Variants in NPHP4 observed in about 807,000 individuals in gnomAD.
NPHP4 encodes the protein nephrocystin-4.
NPHP4 carries 151 observed loss-of-function variants against 155.8 expected under a neutral mutation model. The ratio of observed to expected loss-of-function variants is 0.97; its 90% CI spans 0.85 to 1.11. The LOEUF is 1.11. NPHP4 is among the 50% of genes least tolerant of loss of function. NPHP4 has a pLI of 0.00. For missense variants in NPHP4, 1,956 were observed against 1,925.7 expected, an observed-to-expected ratio of 1.02 and a Z score of -0.29; for synonymous variants, 845 against 816.8, an observed-to-expected ratio of 1.03 and a Z score of -0.59.
Position 5,887,382 on chromosome 1 carries a change from C to T in NPHP4, c.2389G>A (p.Val797Met), listed in dbSNP as rs371647249. ...AACCCCAGCATGTCTCCACTCACCA[C>T]CATGTTGTCCTGCTCGTATTCAGTT... The part of the protein sequence containing the change: ...VATEYEQDNM[V>M]VSGDMLGFGR... Residue 797 changes from valine to methionine, a missense_variant, in exon 18 of 30, where the codon GTG (valine) becomes ATG (methionine). Transcript: ENST00000378156. 4.3e-6 allele frequency: 7 copies of T among 1,613,468 alleles called. No homozygotes were observed. The African/African-American group carries it at 8.0e-5, about 18-fold the overall frequency.
intron 25 of NPHP4, 49 bp downstream of exon 25, chr1:5,866,981 A>C (rs370137030): frequency 9.7e-6 from 14 of 1,446,456 alleles, no homozygotes. Flanking sequence ...ACAGGGGCGC[A>C]GACTCACTGG....
Position 5,867,722 on chromosome 1 carries a change from G to C in NPHP4, c.3472+18C>G, listed in dbSNP as rs1157321084. ...TGAGCCTGCAACATGTGGGCTGCAG[G>C]GTCAGTGCAGGACCTGCCTGGAAAT... On this transcript the variant is annotated intron_variant, in intron 24 of 29. Coordinates refer to ENST00000378156, the MANE Select transcript of NPHP4 (RefSeq NM_015102.5). The surrounding 1 kb of genome is among the most constrained non-coding windows in gnomAD (Gnocchi z 4.1). 3 of 1,606,844 alleles carry C rather than the reference G, an allele frequency of 1.9e-6. No homozygotes were observed. The Admixed American group carries it at 5.0e-5, about 27-fold the overall frequency.
intron 6 of NPHP4, among the ~76,000 whole-genome samples, chr1:5,961,127 C>G (rs1373241669): frequency 6.6e-6 from 1 of 152,232 alleles, no homozygotes; most frequent in Non-Finnish European, 1.5e-5. Flanking sequence ...CAATTCCCCT[C>G]TCTTCCTAAA....
intron 10 of NPHP4, among the ~76,000 whole-genome samples, chr1:5,928,436 G>T (rs1348024603): frequency 6.6e-6 from 1 of 151,784 alleles, no homozygotes; most frequent in Non-Finnish European, 1.5e-5. Context: ...TTGTACGGAT[G>T]TACCAGTTTA....
intron 20 of NPHP4, among the ~76,000 whole-genome samples, chr1:5,875,380 C>T (rs1431339111): frequency 6.6e-5 from 10 of 152,224 alleles, no homozygotes; most frequent in Non-Finnish European, 1.0e-4. Flanking sequence ...TTCACAGACA[C>T]GAGTCTGGCC....
chr1:5,875,226 A>AC (rs1642461865), intron 20 of NPHP4, 126 bp from the exon 21 acceptor site: 2 of 759,246 alleles, frequency 2.6e-6, no homozygotes, highest in Admixed American at 2.1e-5. Context: ...CGCCACCACC[A>AC]CCCCCTTCCT....
At chr1:5,872,166 A>G (rs1197892493) in intron 23 of NPHP4, among the ~76,000 whole-genome samples, 1 of 152,268 alleles carries the variant, frequency 6.6e-6, no homozygotes, top group East Asian at 1.9e-4. Context: ...CTCACAGCAT[A>G]AAGAGACAAC....
chr1:5,957,911 CA>C (rs1557833612), intron 6 of NPHP4, among the ~76,000 whole-genome samples: 1 of 152,184 alleles, frequency 6.6e-6, no homozygotes. Context: ...CTGCCCTTAC[CA>C]AAATCCATTC....
chr1:5,921,386 T>C (rs1046003237), intron 11 of NPHP4, among the ~76,000 whole-genome samples: 16 of 152,218 alleles, frequency 1.1e-4, no homozygotes, highest in Non-Finnish European at 2.4e-4. Context: ...AGTTGTAGGA[T>C]ATTAACTAAA....
intron 2 of NPHP4, among the ~76,000 whole-genome samples, chr1:5,985,256 T>A (rs1291127466): frequency 1.3e-5 from 2 of 152,122 alleles, no homozygotes; most frequent in African/African-American, 4.8e-5. Context: ...GTAAAAAGGG[T>A]TGACAATGGC....
intron 13 of NPHP4, among the ~76,000 whole-genome samples, chr1:5,906,121 A>G (rs1387695499): frequency 1.3e-5 from 2 of 152,174 alleles, no homozygotes; most frequent in Non-Finnish European, 2.9e-5. Context: ...TGAGCAGGTC[A>G]GGACCGTGGG....
chr1:5,963,689 C>CTTTTTTT (rs57131022), intron 5 of NPHP4, among the ~76,000 whole-genome samples: 1 of 122,944 alleles, frequency 8.1e-6, no homozygotes, highest in South Asian at 2.6e-4. Context: ...CTTTTCTTTT[C>CTTTTTTT]TTTTTTTTTT....
chr1:5,979,636 C>T (rs1654320019), intron 2 of NPHP4, among the ~76,000 whole-genome samples: 1 of 152,130 alleles, frequency 6.6e-6, no homozygotes, highest in Non-Finnish European at 1.5e-5. Flanking sequence ...AATCCTCCTG[C>T]CTCATCCTGT....
At chr1:5,960,841 C>G (rs773151228) in intron 6 of NPHP4, among the ~76,000 whole-genome samples, 139 of 152,260 alleles carry the variant, frequency 9.1e-4, no homozygotes, top group Admixed American at 1.4e-3. Flanking sequence ...CTGAAAACCA[C>G]ACCAAGACAG....
At chr1:5,982,902 T>C (rs980640424) in intron 2 of NPHP4, among the ~76,000 whole-genome samples, 3 of 152,202 alleles carry the variant, frequency 2.0e-5, no homozygotes, top group African/African-American at 2.4e-5. Context: ...TTTGGGTCCT[T>C]TGAAGCTTAT....
intron 16 of NPHP4, among the ~76,000 whole-genome samples, chr1:5,893,025 G>C (rs904837648): frequency 6.6e-6 from 1 of 152,194 alleles, no homozygotes; most frequent in African/African-American, 2.4e-5. Flanking sequence ...CAATCTAGAA[G>C]AGCAGAGTGG....
chr1:5,922,862 G>A (rs774730523), intron 11 of NPHP4, among the ~76,000 whole-genome samples: 11 of 152,098 alleles, frequency 7.2e-5, no homozygotes, highest in African/African-American at 2.2e-4. Context: ...AGCCGGGCAC[G>A]GTGGCACTCC....
Position 5,964,939 on chromosome 1 carries a change from A to ATTTTTTTT in NPHP4, c.517+2359_517+2360insAAAAAAAA, listed in dbSNP as rs1232148646. Among the ~76,000 whole-genome samples, 98 of 62,682 alleles carry ATTTTTTTT rather than the reference A, an allele frequency of 1.6e-3. 2 individuals carry two copies. The highest frequency in any genetic ancestry group is 3.8e-3 in the South Asian group (8 of 2,086). 41.1% of individuals were successfully genotyped at this position (62,682 alleles called of 152,430 possible). ...ATATTATATATATATATATATATATATATTTTTTTTTTTTGAGGCAGGGTC... is the reference window on the plus strand; with the variant it reads ...ATATTATATATATATATATATATATATTTTTTTTTATTTTTTTTTTTTGAGGCAGGGTC... On this transcript the variant is annotated intron_variant, in intron 5 of 29. Transcript: ENST00000378156.
rs1644013093 is a variant in NPHP4, at chr1:5,889,654, G to A, written c.2304+1214C>T. On this transcript the variant is annotated intron_variant, in intron 17 of 29. Coordinates refer to ENST00000378156, the MANE Select transcript of NPHP4 (RefSeq NM_015102.5). The surrounding 1 kb of genome is among the most constrained non-coding windows in gnomAD (Gnocchi z 4.2). ...TCCCCACCATGCAGAGCCTGCTGGG[G>A]CTGAGGCCTGTGCTAGAGATGCTGT... 6.6e-6 allele frequency among the ~76,000 whole-genome samples: 1 copy of A among 152,204 alleles called. No individual in the cohort carries two copies. Among genetic ancestry groups the A allele is most frequent in the African/African-American group, 2.4e-5 (1 of 41,456 alleles).
Sources: allele counts gnomAD v4.1 joint callset (sites outside exome capture counted in the v4.1 genomes callset), GRCh38; gene constraint gnomAD v4.1.1; non-coding constraint Gnocchi (gnomAD v3.1); transcripts MANE v1.5; gene names NCBI Gene and HGNC (gene_info 2026-07-23, HGNC 2026-07-21).